TPR: variants seen among roughly 807,000 people sequenced by gnomAD.
TPR encodes the protein nucleoprotein TPR.
A neutral mutation model predicts 316.1 loss-of-function variants in TPR; 51 were observed. The ratio of observed to expected loss-of-function variants is 0.16; its 90% CI spans 0.13 to 0.20. TPR has a LOEUF of 0.20. TPR is among the 10% of genes least tolerant of loss of function. The probability of loss-of-function intolerance (pLI) is 1.00; values close to 1 mark genes in which losing one functional copy is unlikely to be tolerated. For synonymous variants in TPR, 981 were observed against 914.7 expected, an observed-to-expected ratio of 1.07 and a Z score of -1.31; for missense variants, 2,272 against 2,754.8, an observed-to-expected ratio of 0.82 and a Z score of 3.92.
intron 2 of TPR, among the ~76,000 whole-genome samples, chr1:186,372,270 AG>A (rs1430282475): frequency 6.6e-6 from 1 of 152,234 alleles, no homozygotes; most frequent in Non-Finnish European, 1.5e-5. Context: ...TAATTATACC[AG>A]CCAGACACAG....
intron 13 of TPR, 39 bp from the exon 14 acceptor site, chr1:186,357,662 G>T: frequency 6.4e-7 from 1 of 1,551,074 alleles, no homozygotes; most frequent in Non-Finnish European, 8.8e-7. Context: ...AATAGTATTA[G>T]TTACAATTCT....
Position 186,359,820 on chromosome 1 carries a change from A to C in TPR, c.1368T>G (p.Val456=). ...RAQKAVASLS[V]KLEQAMKEIQ... ...CAACCTTCATAGCTTGTTCAAGCTT[A>C]ACAGATAAACTTGCTACAGCTTTCT... Residue 456 remains valine (V), a synonymous_variant, in exon 12 of 51, where the codon GTT becomes GTG. Transcript: ENST00000367478. The C allele has an allele frequency of 6.3e-7, 1 of 1,587,240 alleles. No individual in the cohort carries two copies. The highest frequency in any genetic ancestry group is 8.5e-7 in the Non-Finnish European group (1 of 1,172,956).
In TPR at chr1:186,335,338, C is replaced by T; in HGVS notation, c.4911G>A (p.Lys1637=). The T allele has an allele frequency of 6.2e-7, 1 of 1,612,638 alleles. No individual in the cohort carries two copies. The highest frequency in any genetic ancestry group is 8.5e-7 in the Non-Finnish European group (1 of 1,179,400). Residue 1637 remains lysine (K), a splice_region_variant and synonymous_variant, in exon 34 of 51, where the codon AAG becomes AAA. Coordinates refer to ENST00000367478, the MANE Select transcript of TPR (RefSeq NM_003292.3). ...TACTTAAGCAGAATTAGCTAATCACCTTATTAGAAGGTTCTTGAGGCTCAT... is the reference window on the plus strand; with the variant it reads ...TACTTAAGCAGAATTAGCTAATCACTTTATTAGAAGGTTCTTGAGGCTCAT... ...QRDEPQEPSN[K]VPEQQRQITL...
chr1:186,371,287 G>C (rs1362034035), intron 2 of TPR, among the ~76,000 whole-genome samples: 1 of 152,090 alleles, frequency 6.6e-6, no homozygotes, highest in Non-Finnish European at 1.5e-5. Flanking sequence ...AACATTTATG[G>C]GGAAAGTCAC....
rs1659399380 is a variant in TPR at position 186,368,054 on chromosome 1, C to T, written c.331-72G>A. ...CAGGAAAGCGAACATAGAATTGTCA[C>T]TTTAGTTAACATCAGCTGTAGTGTA... On this transcript the variant is annotated intron_variant, in intron 3 of 50. Transcript: ENST00000367478. 30 of 1,063,036 alleles carry T rather than the reference C, an allele frequency of 2.8e-5. 1 individual carries two copies. The South Asian group carries it at 4.1e-4, about 15-fold the overall frequency. 65.9% of individuals were successfully genotyped at this position (1,063,036 alleles called of 1,614,324 possible).
intron 23 of TPR, 86 bp from the exon 24 acceptor site, chr1:186,345,782 C>T: frequency 1.0e-6 from 1 of 991,378 alleles, no homozygotes; most frequent in African/African-American, 1.6e-5. Context: ...AAATTGAAGT[C>T]TCATTTTTTA....
intron 14 of TPR, among the ~76,000 whole-genome samples, chr1:186,356,839 G>C (rs1303401999): frequency 6.6e-6 from 1 of 152,084 alleles, no homozygotes; most frequent in East Asian, 1.9e-4. Context: ...TGAAATCTAG[G>C]ACAAGTCCTC....
Position 186,375,021 on chromosome 1 carries a change from G to A in TPR, c.8C>T (p.Ala3Val). The change falls in exon 1 of 51, where the codon GCG (alanine) becomes GTG (valine). Residue 3 changes from alanine to valine, a missense_variant. Ala to Val is a moderately conservative substitution (Grantham distance 64). Around this residue, in one of 10 missense-constraint regions of TPR, gnomAD observed 549 missense variants for 598.6 expected, o/e 0.92. Coordinates refer to ENST00000367478, the MANE Select transcript of TPR (RefSeq NM_003292.3). ...GCGCTCCAGGACTTGCTGCAACACCGCCGCCATGTCGGTGGGGCCAGGGAC... is the reference window on the plus strand; with the variant it reads ...GCGCTCCAGGACTTGCTGCAACACCACCGCCATGTCGGTGGGGCCAGGGAC... Reference protein sequence around the residue: MAAVLQQVLERTE... With the variant: MAVVLQQVLERTE... 1 of 1,614,008 alleles carries A rather than the reference G, an allele frequency of 6.2e-7. No individual in the cohort carries two copies. The highest frequency in any genetic ancestry group is 8.5e-7 in the Non-Finnish European group (1 of 1,180,020).
chr1:186,362,002 C>CA, intron 7 of TPR, 133 bp from the exon 8 acceptor site: 1 of 758,480 alleles, frequency 1.3e-6, no homozygotes, highest in East Asian at 2.7e-5. Context: ...AATCAGTCTT[C>CA]ATGACAAAGA....
Position 186,375,177 on chromosome 1 carries a change from C to G in TPR, c.-149G>C. ...CGCGCCCGCCCGCCGGAGACTCCCG[C>G]GGCGGGACCCTGGGAAATCGAGTCC... is the stretch of plus-strand genomic sequence containing the variant. On this transcript the variant is annotated 5_prime_UTR_variant, in exon 1 of 51. Transcript: ENST00000367478. 6.5e-7 allele frequency: 1 copy of G among 1,536,536 alleles called. No individual in the cohort carries two copies. Among genetic ancestry groups the G allele is most frequent in the East Asian group, 2.5e-5 (1 of 40,590 alleles).
chr1:186,346,578 AT>A (rs1486427026), intron 22 of TPR, among the ~76,000 whole-genome samples: 1 of 152,072 alleles, frequency 6.6e-6, no homozygotes, highest in Non-Finnish European at 1.5e-5. Context: ...AAATCCATCT[AT>A]TCTACAATCG....
intron 49 of TPR, 99 bp from the exon 50 acceptor site, chr1:186,314,823 T>C (rs1657546481): frequency 4.6e-6 from 3 of 657,316 alleles, no homozygotes; most frequent in South Asian, 2.3e-5. Context: ...GAATAAGATG[T>C]AGACTTGTTC....
At chr1:186,340,919 T>C (rs1658491026) in intron 29 of TPR, 109 bp downstream of exon 29, 7 of 1,362,158 alleles carry the variant, frequency 5.1e-6, no homozygotes, top group Non-Finnish European at 7.0e-6. Flanking sequence ...CTTTCACTAA[T>C]AAACACAGTA....
Position 186,363,347 on chromosome 1 carries a change from C to T in TPR, c.526G>A (p.Val176Ile). 1 of 1,610,846 alleles carries T rather than the reference C, an allele frequency of 6.2e-7. No individual in the cohort carries two copies. Among genetic ancestry groups the T allele is most frequent in the Non-Finnish European group, 8.5e-7 (1 of 1,177,618 alleles). ...LDELQASDVS[V>I]KYREKRLEQE... is the part of the protein sequence containing the mutation. ...AGGAATCATCTGGTACTTGCCTTAACAGAAACATCAGAAGCTTGAAGTTCA... is the reference window on the plus strand; with the variant it reads ...AGGAATCATCTGGTACTTGCCTTAATAGAAACATCAGAAGCTTGAAGTTCA... Residue 176 changes from valine (V) to isoleucine (I), a missense_variant, in exon 5 of 51, where the codon GTT becomes ATT. Around this residue, in one of 10 missense-constraint regions of TPR, gnomAD observed 549 missense variants for 598.6 expected, o/e 0.92. Transcript: ENST00000367478.
Position 186,338,241 on chromosome 1 carries a change from G to T in TPR, c.4154C>A (p.Ser1385Ter). Residue 1385 changes from serine (S) to a stop codon, truncating the protein, a stop_gained and splice_region_variant, in exon 31 of 51, where the codon TCA becomes TAA. Coordinates refer to ENST00000367478, the MANE Select transcript of TPR (RefSeq NM_003292.3). LOFTEE classifies it high-confidence loss of function. Reference protein sequence around the residue: ...IGRLKAEIARSNASLTNNQNL... With the variant: ...IGRLKAEIAR ...CTGGTTGTTAGTCAAAGATGCATTT[G>T]ATCTTTAAAAAATGGAGGAAAGAAG... is the stretch of plus-strand genomic sequence containing the variant. 2 of 1,593,058 alleles carry T rather than the reference G, an allele frequency of 1.3e-6. No individual in the cohort carries two copies. The highest frequency in any genetic ancestry group is 2.3e-5 in the South Asian group (2 of 86,426).
chr1:186,343,851 G>A (rs1658593315), intron 26 of TPR, 55 bp downstream of exon 26: 1 of 1,417,422 alleles, frequency 7.1e-7, no homozygotes, highest in Non-Finnish European at 9.6e-7. Context: ...TATATTTGTA[G>A]TTTCATTTCA....
At chr1:186,340,887 CATGT>C in intron 29 of TPR, 137 bp downstream of exon 29, 1 of 1,031,614 alleles carries the variant, frequency 9.7e-7, no homozygotes, top group Non-Finnish European at 1.4e-6. Flanking sequence ...CACGTATTTA[CATGT>C]ATTAATAACA....
chr1:186,359,783 T>C lies in TPR; in HGVS notation c.1389+16A>G. ...TTGTATTGTTACCACGGCTAAATTT[T>C]AGGAATGGAACCAACCTTCATAGCT... On this transcript the variant is annotated intron_variant, in intron 12 of 50. Coordinates refer to ENST00000367478, the MANE Select transcript of TPR (RefSeq NM_003292.3). 6.4e-7 allele frequency: 1 copy of C among 1,571,046 alleles called. No individual in the cohort carries two copies. Among genetic ancestry groups the C allele is most frequent in the Non-Finnish European group, 8.6e-7 (1 of 1,168,084 alleles).
rs144592649 is a variant in TPR, at chr1:186,334,001, A to C, written c.5182+324T>G. On this transcript the variant is annotated intron_variant, in intron 36 of 50. Transcript: ENST00000367478. ...GCATGTATACCACAGAATAAAATAC[A>C]AAGTTGTAATTGCTGTAATGAATAA... 2.0e-3 allele frequency among the ~76,000 whole-genome samples: 299 copies of C among 152,300 alleles called. 10 individuals are homozygous for C. The East Asian group carries it at 0.053, about 27-fold the overall frequency.
Sources: gnomAD v4.1 joint callset for allele counts (sites outside exome capture counted in the v4.1 genomes callset) on GRCh38, gnomAD v4.1.1 for gene constraint, gnomAD v4.1.1 regional missense constraint, MANE v1.5 for transcripts, NCBI Gene and HGNC (gene_info 2026-07-23, HGNC 2026-07-21) for gene names.